Variants in APBB1IP observed in about 807,000 individuals in gnomAD.
APBB1IP encodes the protein amyloid beta A4 precursor protein-binding family B member 1-interacting protein.
APBB1IP carries 27 observed loss-of-function variants against 64.9 expected under a neutral mutation model. The observed-to-expected ratio is 0.42, with a 90% confidence interval of 0.31 to 0.57. APBB1IP has a LOEUF of 0.57. Among genes scored for constraint, APBB1IP ranks in the 20% least tolerant of loss-of-function variants. APBB1IP has a pLI of 0.20. For synonymous variants in APBB1IP, 392 were observed against 331.0 expected, an observed-to-expected ratio of 1.18 and a Z score of -2.00; for missense variants, 812 against 845.5, an observed-to-expected ratio of 0.96 and a Z score of 0.49.
intron 8 of APBB1IP, among the ~76,000 whole-genome samples, chr10:26,516,535 C>A (rs568566042): frequency 1.7e-3 from 41 of 23,688 alleles, no homozygotes; most frequent in Non-Finnish European, 2.7e-3. Context: ...CAGAGCAAGA[C>A]TCCATCTCAA....
At chr10:26,519,471 C>T (rs1836375677) in intron 8 of APBB1IP, among the ~76,000 whole-genome samples, 1 of 152,070 alleles carries the variant, frequency 6.6e-6, no homozygotes, top group East Asian at 1.9e-4. Flanking sequence ...AAGGGGCATG[C>T]AACATGCTTT....
intron 10 of APBB1IP, among the ~76,000 whole-genome samples, chr10:26,540,380 G>C (rs911215979): frequency 4.6e-5 from 7 of 152,168 alleles, no homozygotes; most frequent in African/African-American, 1.7e-4. Flanking sequence ...TTCAAGACCA[G>C]CCTGGGCAAC....
intron 2 of APBB1IP, among the ~76,000 whole-genome samples, chr10:26,440,011 C>T (rs1835322933): frequency 6.6e-6 from 1 of 152,174 alleles, no homozygotes; most frequent in African/African-American, 2.4e-5. Flanking sequence ...ATAAAGTCTT[C>T]TAGTGGTATT....
chr10:26,497,368 G>A (rs1836038876), intron 4 of APBB1IP, among the ~76,000 whole-genome samples: 1 of 151,592 alleles, frequency 6.6e-6, no homozygotes, highest in Non-Finnish European at 1.5e-5. Flanking sequence ...TGGCTAACAC[G>A]GTGAAACCCC....
chr10:26,506,110 G>A (rs532697988), intron 6 of APBB1IP, among the ~76,000 whole-genome samples: 38 of 152,170 alleles, frequency 2.5e-4, no homozygotes, highest in South Asian at 4.1e-4. Flanking sequence ...GAGTAGGTTC[G>A]CTGTGCATCT....
chr10:26,492,417 C>T lies in APBB1IP; in HGVS notation c.72+19C>T, dbSNP rs1465299744. 9 of 1,611,114 alleles carry T rather than the reference C, an allele frequency of 5.6e-6. No individual in the cohort carries two copies. The highest frequency in any genetic ancestry group is 1.7e-5 in the Admixed American group (1 of 59,578). On this transcript the variant is annotated intron_variant, in intron 3 of 14. Transcript: ENST00000376236. ...GACTCAGGTAAACTTCCCTTTTTAA[C>T]TGGCAAATTGGAAAACAAAAATAGA...
chr10:26,447,392 A>G (rs1276162493), intron 2 of APBB1IP, among the ~76,000 whole-genome samples: 2 of 151,812 alleles, frequency 1.3e-5, no homozygotes, highest in East Asian at 3.9e-4. Flanking sequence ...AAAAAAAAAA[A>G]AAAAGAAATG....
At chr10:26,538,371 G>A (rs897692896) in intron 10 of APBB1IP, among the ~76,000 whole-genome samples, 5 of 150,668 alleles carry the variant, frequency 3.3e-5, no homozygotes, top group African/African-American at 7.3e-5. Context: ...GGCCAGGTGC[G>A]GTGGCTCATG....
At chr10:26,560,908 C>T in intron 13 of APBB1IP, 64 bp downstream of exon 13, 1 of 1,244,940 alleles carries the variant, frequency 8.0e-7, no homozygotes, top group Non-Finnish European at 1.1e-6. Context: ...CAAAATGTAT[C>T]CAATACATCT....
intron 2 of APBB1IP, among the ~76,000 whole-genome samples, chr10:26,448,234 G>C (rs935490341): frequency 4.0e-5 from 6 of 151,522 alleles, no homozygotes; most frequent in Non-Finnish European, 4.4e-5. Context: ...TAGAGATGAG[G>C]GTCTCACCAT....
intron 3 of APBB1IP, among the ~76,000 whole-genome samples, chr10:26,494,354 G>C (rs1261324746): frequency 6.6e-6 from 1 of 152,224 alleles, no homozygotes; most frequent in Non-Finnish European, 1.5e-5. Context: ...GAATGTCTTA[G>C]AGTGTGCTCA....
chr10:26,492,401 A>G lies in APBB1IP; in HGVS notation c.72+3A>G. On this transcript the variant is annotated splice_donor_region_variant and intron_variant, in intron 3 of 14. Transcript: ENST00000376236. ...GAGAGATGGATCTTCTGACTCAGGT[A>G]AACTTCCCTTTTTAACTGGCAAATT... 1 of 1,613,738 alleles carries G rather than the reference A, an allele frequency of 6.2e-7. No individual in the cohort carries two copies. Among genetic ancestry groups the G allele is most frequent in the South Asian group, 1.1e-5 (1 of 91,006 alleles).
intron 2 of APBB1IP, among the ~76,000 whole-genome samples, chr10:26,462,607 ATT>A (rs1384804345): frequency 6.6e-6 from 1 of 152,104 alleles, no homozygotes; most frequent in Non-Finnish European, 1.5e-5. Context: ...CTTTTAATGT[ATT>A]TATGGGATCA....
At position 26,501,052 on chromosome 10, in the gene APBB1IP, C is replaced by A; in HGVS notation, c.394C>A (p.Pro132Thr). The change falls in exon 5 of 15, where the codon CCA becomes ACA. Residue 132 changes from proline (P) to threonine (T), a missense_variant. This residue lies in a region of APBB1IP where 394 missense variants were observed against 413.1 expected (regional missense o/e 0.95). Coordinates refer to ENST00000376236, the MANE Select transcript of APBB1IP (RefSeq NM_019043.4). ...ATATGAGGATGACTTACCACCTCCA[C>A]CAGCCGATCCTGTGTTAGACCTTCC... is the stretch of plus-strand genomic sequence containing the variant. The part of the protein sequence containing the change: ...SQYEDDLPPP[P>T]ADPVLDLPLP... 1 of 1,614,192 alleles carries A rather than the reference C, an allele frequency of 6.2e-7. No individual in the cohort carries two copies. The highest frequency in any genetic ancestry group is 8.5e-7 in the Non-Finnish European group (1 of 1,180,026).
chr10:26,493,668 T>A (rs1479621249), intron 3 of APBB1IP, among the ~76,000 whole-genome samples: 1 of 152,116 alleles, frequency 6.6e-6, no homozygotes, highest in African/African-American at 2.4e-5. Flanking sequence ...TTCTTTTGAG[T>A]TCAGTTAATT....
chr10:26,476,773 A>G (rs1484064458), intron 2 of APBB1IP, among the ~76,000 whole-genome samples: 2 of 151,980 alleles, frequency 1.3e-5, no homozygotes, highest in Non-Finnish European at 2.9e-5. Flanking sequence ...CAATTACCCA[A>G]CAATGTCCAC....
intron 6 of APBB1IP, among the ~76,000 whole-genome samples, chr10:26,506,701 C>G (rs963820949): frequency 6.6e-6 from 1 of 152,172 alleles, no homozygotes; most frequent in Non-Finnish European, 1.5e-5. Flanking sequence ...GGATCTCCCC[C>G]AGGGATCTTT....
chr10:26,445,173 AAAGAAAG>A (rs1835382663), intron 2 of APBB1IP, among the ~76,000 whole-genome samples: 1 of 149,614 alleles, frequency 6.7e-6, no homozygotes, highest in Non-Finnish European at 1.5e-5. Context: ...AGAAAGAAAG[AAAGAAAG>A]AAAGAAAGAA....
At chr10:26,545,714 C>G (rs1276977942) in intron 11 of APBB1IP, among the ~76,000 whole-genome samples, 5 of 151,110 alleles carry the variant, frequency 3.3e-5, no homozygotes, top group South Asian at 2.1e-4. Context: ...GAGCCGAGAT[C>G]GCGCCACTGC....
Sources: gnomAD v4.1 joint callset for allele counts (sites outside exome capture counted in the v4.1 genomes callset) on GRCh38, gnomAD v4.1.1 for gene constraint, gnomAD v4.1.1 regional missense constraint, MANE v1.5 for transcripts, NCBI Gene and HGNC (gene_info 2026-07-23, HGNC 2026-07-21) for gene names.